ITCH: variants seen among roughly 807,000 people sequenced by gnomAD.
ITCH encodes the protein E3 ubiquitin-protein ligase Itchy homolog.
Under a neutral mutation model 126.8 loss-of-function variants are expected in ITCH, and 28 were observed. The observed-to-expected ratio is 0.22, with a 90% CI of 0.16 to 0.30. The LOEUF (loss-of-function observed/expected upper bound fraction) is 0.30. Ranked by LOEUF, ITCH falls within the 10% of genes least tolerant of loss-of-function variation. The probability of loss-of-function intolerance (pLI) is 1.00; values close to 1 mark genes in which losing one functional copy is unlikely to be tolerated. For missense variants in ITCH, 631 were observed against 1,032.4 expected (o/e 0.61, Z 5.33); for synonymous variants, 342 against 340.0 (o/e 1.01, Z -0.06).
chr20:34,437,420 C>T (rs964472734), intron 7 of ITCH, among the ~76,000 whole-genome samples: 5 of 152,264 alleles, frequency 3.3e-5, no homozygotes, highest in Admixed American at 2.6e-4. Context: ...ATCCTCCCAC[C>T]TCAGCCTCCT....
Position 34,462,066 on chromosome 20 carries a change from G to T in ITCH, c.1296-27G>T, listed in dbSNP as rs964728004. 11 of 1,610,496 alleles carry T rather than the reference G, an allele frequency of 6.8e-6. No individual in the cohort carries two copies. In the Admixed American group the frequency reaches 1.2e-4, roughly 17 times the overall value. ...AAACAAGCAACTCTTTAATATTTTT[G>T]TTTATGTTTTTTCCTGTGTTTCGTA... On this transcript the variant is annotated intron_variant, in intron 13 of 24. Coordinates refer to ENST00000374864, the MANE Select transcript of ITCH (RefSeq NM_031483.7).
chr20:34,479,544 T>C, intron 17 of ITCH, 86 bp from the exon 18 acceptor site: 1 of 1,089,764 alleles, frequency 9.2e-7, no homozygotes, highest in Non-Finnish European at 1.4e-6. Context: ...CTGAGGGGTA[T>C]AGATCCCTGA....
At position 34,440,252 on chromosome 20, in the gene ITCH, A is replaced by C. The variant is rs1264057466; in HGVS notation, c.777A>C (p.Gly259=). Residue 259 remains glycine, a synonymous_variant, in exon 9 of 25, where the codon GGA becomes GGC. Coordinates refer to ENST00000374864, the MANE Select transcript of ITCH (RefSeq NM_031483.7). ...PTNTNTNTSE[G]ATSGLIIPLT... is the part of the protein sequence containing the mutation. ...ATACAAATACAAATACATCTGAAGG[A>C]GCAACATCTGGATTAATAATTCCTC... is the stretch of plus-strand genomic sequence containing the variant. 2 of 1,613,546 alleles carry C rather than the reference A, an allele frequency of 1.2e-6. No individual in the cohort carries two copies. Among genetic ancestry groups the C allele is most frequent in the Non-Finnish European group, 8.5e-7 (1 of 1,179,538 alleles).
chr20:34,469,773 C>G (rs1987445734), intron 14 of ITCH, among the ~76,000 whole-genome samples: 1 of 152,090 alleles, frequency 6.6e-6, no homozygotes, highest in African/African-American at 2.4e-5. Flanking sequence ...GATAGAAACC[C>G]CTTTACTTAG....
chr20:34,391,317 C>T (rs1601788420), intron 2 of ITCH, among the ~76,000 whole-genome samples: 2 of 152,030 alleles, frequency 1.3e-5, no homozygotes, highest in Admixed American at 6.6e-5. Flanking sequence ...ACTTTTTCTG[C>T]GTTTATTTAC....
chr20:34,410,203 A>G (rs1164789064), intron 4 of ITCH, among the ~76,000 whole-genome samples: 1 of 152,022 alleles, frequency 6.6e-6, no homozygotes, highest in Non-Finnish European at 1.5e-5. Context: ...CCCCATCTCT[A>G]CTAAAAATAC....
intron 3 of ITCH, among the ~76,000 whole-genome samples, chr20:34,401,809 A>G (rs2038896209): frequency 6.6e-6 from 1 of 152,122 alleles, no homozygotes; most frequent in Non-Finnish European, 1.5e-5. Context: ...ATCAGGGAGC[A>G]GCTTCAACAA....
intron 15 of ITCH, among the ~76,000 whole-genome samples, chr20:34,471,099 T>C (rs891489509): frequency 3.3e-5 from 5 of 152,180 alleles, no homozygotes; most frequent in African/African-American, 1.2e-4. Flanking sequence ...CTGTGATGAA[T>C]ATTTTTACAC....
chr20:34,390,233 T>TCA (rs1169074162), intron 2 of ITCH, among the ~76,000 whole-genome samples: 1 of 152,160 alleles, frequency 6.6e-6, no homozygotes, highest in African/African-American at 2.4e-5. Flanking sequence ...AGATACTCTG[T>TCA]CAGTCTTTAA....
intron 2 of ITCH, among the ~76,000 whole-genome samples, chr20:34,379,620 A>G (rs1224465417): frequency 2.2e-5 from 3 of 135,510 alleles, no homozygotes; most frequent in East Asian, 4.3e-4. Context: ...TTTTAGACGG[A>G]GTCTCGCTCT....
At position 34,479,673 on chromosome 20, in the gene ITCH, T is replaced by G. The variant is rs1470332162; in HGVS notation, c.1702T>G (p.Tyr568Asp). Residue 568 changes from tyrosine to aspartate, a missense_variant, in exon 18 of 25, where the codon TAT becomes GAT. By Grantham distance (160) the Tyr-to-Asp change is radical. Coordinates refer to ENST00000374864, the MANE Select transcript of ITCH (RefSeq NM_031483.7). ...LLSHEVLNPM[Y>D]CLFEYAGKDN... ...GTCACATGAAGTGTTGAACCCAATGTATTGCCTGTTTGAATATGCAGGGAA... is the reference window on the plus strand; with the variant it reads ...GTCACATGAAGTGTTGAACCCAATGGATTGCCTGTTTGAATATGCAGGGAA... The G allele has an allele frequency of 6.2e-7, 1 of 1,613,914 alleles. No homozygotes were observed. Among genetic ancestry groups the G allele is most frequent in the South Asian group, 1.1e-5 (1 of 91,086 alleles).
intron 16 of ITCH, among the ~76,000 whole-genome samples, chr20:34,473,056 A>ACTTTAAAACTTTAAAACTAGATG: frequency 6.6e-6 from 1 of 152,366 alleles, no homozygotes; most frequent in East Asian, 1.9e-4. Context: ...GTTCTAAAAC[A>ACTTTAAAACTTTAAAACTAGATG]GTTTTTAAAG....
At chr20:34,414,351 A>G (rs997014048) in intron 6 of ITCH, among the ~76,000 whole-genome samples, 1 of 151,408 alleles carries the variant, frequency 6.6e-6, no homozygotes, top group Non-Finnish European at 1.5e-5. Context: ...TAGGCCAACT[A>G]TGGCAGTTAA....
chr20:34,400,565 G>A lies in ITCH; in HGVS notation c.70+6684G>A, dbSNP rs562573305. The stretch of plus-strand genomic sequence containing the variant: ...AAAAAAATTTATTGCTAAGGGAGAT[G>A]GAGATGGGAAGTAATCAGTGTTTGT... On this transcript the variant is annotated intron_variant, in intron 3 of 24. Transcript: ENST00000374864. 1.9e-3 allele frequency among the ~76,000 whole-genome samples: 284 copies of A among 151,928 alleles called. 1 individual carries two copies. Among genetic ancestry groups the A allele is most frequent in the South Asian group, 8.3e-3 (40 of 4,812 alleles).
intron 12 of ITCH, among the ~76,000 whole-genome samples, chr20:34,455,177 G>A (rs1985759255): frequency 6.6e-6 from 1 of 152,156 alleles, no homozygotes; most frequent in Non-Finnish European, 1.5e-5. Flanking sequence ...AATTAGCCAT[G>A]TCAACATGGA....
intron 2 of ITCH, among the ~76,000 whole-genome samples, chr20:34,379,563 A>G (rs1451813454): frequency 2.0e-5 from 3 of 148,974 alleles, no homozygotes; most frequent in East Asian, 2.0e-4. Context: ...TAGGCACCTC[A>G]TCGTAAAAGT....
intron 24 of ITCH, among the ~76,000 whole-genome samples, chr20:34,506,880 T>G (rs906066876): frequency 2.6e-4 from 39 of 152,328 alleles, no homozygotes; most frequent in African/African-American, 9.1e-4. Context: ...TTTTCATCCA[T>G]GTTGTAGCAT....
chr20:34,490,076 C>T, intron 22 of ITCH, 150 bp downstream of exon 22: 1 of 672,262 alleles, frequency 1.5e-6, no homozygotes, highest in Non-Finnish European at 2.7e-6. Context: ...CAGATTATAA[C>T]AGCATCCTTT....
intron 9 of ITCH, 24 bp from the exon 10 acceptor site, chr20:34,442,184 C>T: frequency 6.4e-7 from 1 of 1,566,330 alleles, no homozygotes; most frequent in Admixed American, 1.7e-5. Context: ...AGTATTTTAC[C>T]AGCCTTTTAA....
Sources: allele counts gnomAD v4.1 joint callset (sites outside exome capture counted in the v4.1 genomes callset), GRCh38; gene constraint gnomAD v4.1.1; transcripts MANE v1.5; gene names NCBI Gene and HGNC (gene_info 2026-07-23, HGNC 2026-07-21).